Variants in ARHGEF28 observed in about 807,000 individuals in gnomAD.
The protein encoded by ARHGEF28 is Rho guanine nucleotide exchange factor 28, also known as 190 kDa guanine nucleotide exchange factor.
Under a neutral mutation model 206.6 loss-of-function variants are expected in ARHGEF28, and 152 were observed. The ratio of observed to expected loss-of-function variants is 0.74; its 90% CI spans 0.64 to 0.84. The LOEUF (loss-of-function observed/expected upper bound fraction) is 0.84. ARHGEF28 is among the 40% of genes least tolerant of loss of function. The pLI, the probability that ARHGEF28 is intolerant of heterozygous loss-of-function variation, is 0.00. For synonymous variants in ARHGEF28, 763 were observed against 776.4 expected, an observed-to-expected ratio of 0.98 and a Z score of 0.29; for missense variants, 2,028 against 2,073.2, an observed-to-expected ratio of 0.98 and a Z score of 0.42.
chr5:73,700,337 A>G lies in ARHGEF28; in HGVS notation c.33+15453A>G, dbSNP rs79797994. On this transcript the variant is annotated intron_variant, in intron 2 of 35. Coordinates refer to ENST00000513042, the MANE Select transcript of ARHGEF28 (RefSeq NM_001177693.2). ...AACTCCTGGAGTGGGGGTGGGGAAT[A>G]CCTTCTATATACACACTTTTCTACT... Among the ~76,000 whole-genome samples the G allele has an allele frequency of 3.6e-3, 551 of 152,264 alleles. 4 individuals are homozygous for G. Among genetic ancestry groups the G allele is most frequent in the African/African-American group, 0.012 (513 of 41,560 alleles).
In ARHGEF28 at chr5:73,681,084, A is replaced by G. The variant is rs1458746804; in HGVS notation, c.-11-3757A>G. ...TTTAGCTTCCACATTTCCTATAGTA[A>G]TGCATTTTTTTTTTTTTTTTTGGCT... On this transcript the variant is annotated intron_variant, in intron 1 of 35. Coordinates refer to ENST00000513042, the MANE Select transcript of ARHGEF28 (RefSeq NM_001177693.2). Among the ~76,000 whole-genome samples the G allele has an allele frequency of 3.8e-5, 3 of 78,326 alleles. No individual in the cohort carries two copies. The Admixed American group carries it at 7.1e-4, about 18-fold the overall frequency. 51.4% of individuals were successfully genotyped at this position (78,326 alleles called of 152,430 possible).
At chr5:73,698,464 C>A (rs1488935545) in intron 2 of ARHGEF28, among the ~76,000 whole-genome samples, 2 of 152,136 alleles carry the variant, frequency 1.3e-5, no homozygotes, top group African/African-American at 4.8e-5. Flanking sequence ...TGAAAAGTCT[C>A]TTGCTACTGC....
intron 11 of ARHGEF28, among the ~76,000 whole-genome samples, chr5:73,845,986 C>CAAAAAAAAAAAAAAAAAAAAAAAGAAAA (rs1758316837): frequency 1.6e-5 from 1 of 63,736 alleles, no homozygotes; most frequent in African/African-American, 4.7e-5. Flanking sequence ...AAAACTGTCT[C>CAAAAAAAAAAAAAAAAAAAAAAAGAAAA]AAAAAAAAAA....
intron 7 of ARHGEF28, among the ~76,000 whole-genome samples, chr5:73,792,944 TG>T (rs2112482751): frequency 6.6e-6 from 1 of 152,298 alleles, no homozygotes; most frequent in East Asian, 1.9e-4. Context: ...GGAGGCCTTC[TG>T]TGGGATGTGC....
chr5:73,709,058 C>A (rs1160195326), intron 2 of ARHGEF28, among the ~76,000 whole-genome samples: 1 of 152,068 alleles, frequency 6.6e-6, no homozygotes, highest in Non-Finnish European at 1.5e-5. Flanking sequence ...GGCTTGTTGA[C>A]CTAAAACAAG....
rs76426426 is a variant in ARHGEF28 at position 73,634,601 on chromosome 5, A to G, written c.-12+8279A>G. Among the ~76,000 whole-genome samples the G allele has an allele frequency of 5.4e-3, 827 of 152,314 alleles. 9 individuals are homozygous for G. Among genetic ancestry groups the G allele is most frequent in the African/African-American group, 0.019 (794 of 41,564 alleles). On this transcript the variant is annotated intron_variant, in intron 1 of 35. Coordinates refer to ENST00000513042, the MANE Select transcript of ARHGEF28 (RefSeq NM_001177693.2). ...GGAATGACATGTGCTTGTCTCCTGT[A>G]TCGAATCCCTCTGTCATTGTCCACA...
intron 1 of ARHGEF28, among the ~76,000 whole-genome samples, chr5:73,636,639 A>G (rs1432033467): frequency 6.6e-6 from 1 of 152,138 alleles, no homozygotes; most frequent in South Asian, 2.1e-4. Context: ...GTGCAAGATG[A>G]AGGTTTTAAA....
intron 2 of ARHGEF28, among the ~76,000 whole-genome samples, chr5:73,723,121 C>A (rs1750059842): frequency 6.6e-6 from 1 of 152,182 alleles, no homozygotes; most frequent in Non-Finnish European, 1.5e-5. Flanking sequence ...TGTCCCTGTT[C>A]TAGGTTAGTC....
intron 34 of ARHGEF28, among the ~76,000 whole-genome samples, chr5:73,910,716 T>C (rs1762854430): frequency 6.6e-6 from 1 of 152,232 alleles, no homozygotes; most frequent in Non-Finnish European, 1.5e-5. Flanking sequence ...GTAAATTTGA[T>C]ATAGTAAATT....
chr5:73,723,476 A>G (rs978722850), intron 2 of ARHGEF28, among the ~76,000 whole-genome samples: 6 of 152,208 alleles, frequency 3.9e-5, no homozygotes, highest in Admixed American at 2.0e-4. Flanking sequence ...GTGAGCCACC[A>G]CACCCAGCCC....
rs375000790 is a variant in ARHGEF28, at chr5:73,776,599, C to T, written c.743C>T (p.Thr248Met). Reference sequence around the variant, plus strand: ...TTGCATTACATTCACTCATCGGAAACGCTGACCCTGACCCTGAACCACACA... The same window carrying T: ...TTGCATTACATTCACTCATCGGAAATGCTGACCCTGACCCTGAACCACACA... ...ASLHYIHSSE[T>M]LTLTLNHTAE... Residue 248 changes from threonine to methionine, a missense_variant, in exon 6 of 36, where the codon ACG becomes ATG. Thr to Met is a moderately conservative substitution (Grantham distance 81, BLOSUM62 -1). Transcript: ENST00000513042. 173 of 1,613,798 alleles carry T rather than the reference C, an allele frequency of 1.1e-4. 1 individual carries two copies. In the South Asian group the frequency reaches 1.3e-3, roughly 12 times the overall value.
Position 73,901,235 on chromosome 5 carries a change from G to A in ARHGEF28, c.4025G>A (p.Gly1342Glu). ...EGRGCSDVDPGIQGVVTDLAV... is the reference protein window; with the variant it reads ...EGRGCSDVDPEIQGVVTDLAV... ...AGAGGCTGTTCGGATGTGGATCCCGGGATCCAGGGTGTGGTAACCGACTTG... is the reference window on the plus strand; with the variant it reads ...AGAGGCTGTTCGGATGTGGATCCCGAGATCCAGGGTGTGGTAACCGACTTG... Residue 1342 changes from glycine to glutamate, a missense_variant, in exon 31 of 36, where the codon GGG (glycine) becomes GAG (glutamate). Around this residue, in one of 3 missense-constraint regions of ARHGEF28, gnomAD observed 803 missense variants for 768.0 expected, o/e 1.05. Coordinates refer to ENST00000513042, the MANE Select transcript of ARHGEF28 (RefSeq NM_001177693.2). 1 of 1,613,466 alleles carries A rather than the reference G, an allele frequency of 6.2e-7. No individual in the cohort carries two copies. The highest frequency in any genetic ancestry group is 8.5e-7 in the Non-Finnish European group (1 of 1,179,662).
intron 26 of ARHGEF28, among the ~76,000 whole-genome samples, chr5:73,887,945 A>G (rs1360446105): frequency 1.3e-5 from 2 of 152,220 alleles, no homozygotes; most frequent in Non-Finnish European, 2.9e-5. Context: ...GCAGTCCTTC[A>G]GTAGTGGTTG....
At chr5:73,664,020 C>T (rs977235250) in intron 1 of ARHGEF28, among the ~76,000 whole-genome samples, 2 of 152,212 alleles carry the variant, frequency 1.3e-5, no homozygotes, top group African/African-American at 4.8e-5. Flanking sequence ...TCTTAAAACA[C>T]CACTCATGAG....
At chr5:73,726,647 C>A (rs1750292765) in intron 2 of ARHGEF28, among the ~76,000 whole-genome samples, 1 of 152,122 alleles carries the variant, frequency 6.6e-6, no homozygotes, top group Non-Finnish European at 1.5e-5. Context: ...TGCTGAATAG[C>A]GTTTCAGGGT....
intron 2 of ARHGEF28, among the ~76,000 whole-genome samples, chr5:73,720,237 A>G (rs566331986): frequency 3.1e-4 from 47 of 152,326 alleles, no homozygotes; most frequent in African/African-American, 1.0e-3. Context: ...TACAGATGAG[A>G]AGGGTCAAAT....
intron 1 of ARHGEF28, among the ~76,000 whole-genome samples, chr5:73,657,049 T>G (rs1456677822): frequency 6.6e-6 from 1 of 151,696 alleles, no homozygotes; most frequent in African/African-American, 2.4e-5. Flanking sequence ...GGCGGGCACG[T>G]GTAGTCCCAG....
intron 16 of ARHGEF28, 44 bp from the exon 17 acceptor site, chr5:73,864,773 A>G (rs1164447350): frequency 6.4e-7 from 1 of 1,564,350 alleles, no homozygotes; most frequent in Middle Eastern, 1.7e-4. Flanking sequence ...TTTCAGACTA[A>G]TTAAGTAAGA....
At chr5:73,815,729 C>T (rs754877057) in intron 9 of ARHGEF28, among the ~76,000 whole-genome samples, 1 of 152,136 alleles carries the variant, frequency 6.6e-6, no homozygotes, top group Non-Finnish European at 1.5e-5. Context: ...ATCATGCTCT[C>T]CTTTTAAATC....
Sources: gnomAD v4.1 joint callset for allele counts (sites outside exome capture counted in the v4.1 genomes callset) on GRCh38, gnomAD v4.1.1 for gene constraint, gnomAD v4.1.1 regional missense constraint, MANE v1.5 for transcripts, NCBI Gene and HGNC (gene_info 2026-07-23, HGNC 2026-07-21) for gene names.